Variants in FAM13A observed in about 807,000 individuals in gnomAD.
FAM13A encodes family with sequence similarity 13 member A.
In FAM13A, 76 loss-of-function variants were observed where a neutral mutation model predicts 129.6. The ratio of observed to expected loss-of-function variants is 0.59; its 90% confidence interval spans 0.49 to 0.71. The LOEUF (loss-of-function observed/expected upper bound fraction) is 0.71, where lower values mean the gene tolerates loss of function less well. Among genes scored for constraint, FAM13A ranks in the 30% least tolerant of loss-of-function variants. FAM13A has a pLI of 0.00. For missense variants in FAM13A, 1,108 were observed against 1,249.3 expected (o/e 0.89, Z 1.70); for synonymous variants, 443 against 449.9 (o/e 0.98, Z 0.20).
At chr4:88,833,049 G>A (rs559085888) in intron 7 of FAM13A, among the ~76,000 whole-genome samples, 12 of 152,158 alleles carry the variant, frequency 7.9e-5, no homozygotes, top group Non-Finnish European at 1.5e-4. Context: ...CTATGCAGTC[G>A]TAAAAAGGAA....
intron 6 of FAM13A, 142 bp downstream of exon 6, chr4:88,906,237 G>A: frequency 1.6e-6 from 1 of 611,716 alleles, no homozygotes; most frequent in Non-Finnish European, 2.9e-6. Flanking sequence ...GCAGTGAGCT[G>A]AGATTGCGCC....
chr4:88,996,801 G>A (rs1763611278), intron 3 of FAM13A, among the ~76,000 whole-genome samples: 1 of 152,092 alleles, frequency 6.6e-6, no homozygotes, highest in African/African-American at 2.4e-5. Context: ...TTTAGAGTTG[G>A]TGGTTGAGTT....
At chr4:88,777,232 T>C (rs1560963153) in intron 11 of FAM13A, among the ~76,000 whole-genome samples, 1 of 152,096 alleles carries the variant, frequency 6.6e-6, no homozygotes, top group Non-Finnish European at 1.5e-5. Flanking sequence ...ATGTGAAAAA[T>C]AGAATTTCCA....
chr4:88,803,101 G>T (rs1372710018), intron 8 of FAM13A, among the ~76,000 whole-genome samples: 3 of 152,168 alleles, frequency 2.0e-5, no homozygotes, highest in African/African-American at 7.2e-5. Context: ...CTTGTGGCTG[G>T]ATCTACTTCC....
chr4:88,923,826 C>T (rs1751593349), intron 5 of FAM13A, among the ~76,000 whole-genome samples: 1 of 152,202 alleles, frequency 6.6e-6, no homozygotes, highest in African/African-American at 2.4e-5. Flanking sequence ...CCCAAAATCT[C>T]CTTAAGCTGA....
intron 5 of FAM13A, among the ~76,000 whole-genome samples, chr4:88,910,214 A>G (rs1423728081): frequency 1.3e-5 from 2 of 152,178 alleles, no homozygotes; most frequent in Non-Finnish European, 2.9e-5. Context: ...TAAACATTTG[A>G]TCTACTTACA....
chr4:88,795,728 A>C (rs538193714), intron 8 of FAM13A, among the ~76,000 whole-genome samples: 1 of 151,878 alleles, frequency 6.6e-6, no homozygotes, highest in Non-Finnish European at 1.5e-5. Flanking sequence ...CTATACCTCT[A>C]GTTATTTCAT....
chr4:88,798,535 C>T (rs9996321), intron 8 of FAM13A, among the ~76,000 whole-genome samples: 80,705 of 152,010 alleles, frequency 0.53, 21,833 homozygotes, highest in East Asian at 0.69. Flanking sequence ...CAATAGACAG[C>T]AGAAGAGAGC....
chr4:88,824,291 T>C (rs1732600670), intron 7 of FAM13A, among the ~76,000 whole-genome samples: 1 of 152,216 alleles, frequency 6.6e-6, no homozygotes. Flanking sequence ...TGAGGGCTTG[T>C]AGGCATGAGG....
At chr4:88,948,549 C>A in intron 4 of FAM13A, among the ~76,000 whole-genome samples, 1 of 151,498 alleles carries the variant, frequency 6.6e-6, no homozygotes, top group Admixed American at 6.6e-5. Flanking sequence ...AGTGCAGTGG[C>A]ATGATCTCAG....
chr4:88,979,257 G>A (rs1376009906), intron 4 of FAM13A, among the ~76,000 whole-genome samples: 1 of 152,230 alleles, frequency 6.6e-6, no homozygotes, highest in African/African-American at 2.4e-5. Context: ...CTCACAGCAT[G>A]AACTGGTGTG....
chr4:89,051,512 T>C (rs750093519), intron 1 of FAM13A, among the ~76,000 whole-genome samples: 1 of 152,202 alleles, frequency 6.6e-6, no homozygotes, highest in African/African-American at 2.4e-5. Context: ...CCTTTTCGCA[T>C]GCAAAATACA....
At chr4:88,827,833 T>G (rs1733272468) in intron 7 of FAM13A, among the ~76,000 whole-genome samples, 1 of 152,232 alleles carries the variant, frequency 6.6e-6, no homozygotes, top group South Asian at 2.1e-4. Flanking sequence ...GGTAACTCAT[T>G]TTTGTACTCA....
intron 7 of FAM13A, among the ~76,000 whole-genome samples, chr4:88,810,059 T>C (rs1291028333): frequency 6.6e-6 from 1 of 152,098 alleles, no homozygotes; most frequent in Non-Finnish European, 1.5e-5. Context: ...AAATACAAAT[T>C]ATTGCAGTTC....
chr4:88,992,338 C>T (rs1763020655), intron 3 of FAM13A, among the ~76,000 whole-genome samples: 1 of 151,394 alleles, frequency 6.6e-6, no homozygotes, highest in Non-Finnish European at 1.5e-5. Flanking sequence ...ACAATCTCAG[C>T]TCACTGCAAC....
At chr4:88,869,119 T>C (rs1007153945) in intron 6 of FAM13A, among the ~76,000 whole-genome samples, 5 of 152,220 alleles carry the variant, frequency 3.3e-5, no homozygotes, top group African/African-American at 1.2e-4. Context: ...CATCTTTATC[T>C]CAAATAAGTC....
chr4:88,730,271 C>T (rs1737379634), intron 23 of FAM13A, among the ~76,000 whole-genome samples: 1 of 152,198 alleles, frequency 6.6e-6, no homozygotes. Flanking sequence ...TTTCCTCAGG[C>T]TCCTACTGTG....
chr4:88,899,333 G>A (rs1224075982), intron 6 of FAM13A, among the ~76,000 whole-genome samples: 1 of 151,904 alleles, frequency 6.6e-6, no homozygotes, highest in Non-Finnish European at 1.5e-5. Flanking sequence ...GACTTTGGGG[G>A]AAAGGGTGGG....
At position 88,726,342 on chromosome 4, in the gene FAM13A, A is replaced by ACAT. The variant is rs1736464687; in HGVS notation, c.*2188_*2190dup. 6.6e-6 allele frequency: 1 copy of ACAT among 151,840 alleles called. No homozygotes were observed. Among genetic ancestry groups the ACAT allele is most frequent in the African/African-American group, 2.4e-5 (1 of 41,114 alleles). The allele number at this position is 151,840 out of a possible 1,614,324, so 9.4% of individuals were successfully genotyped here. ...AGTGGAAATTACAAAGGAAAACACA[A>ACAT]CATCTCATACACAATTTATTTTATA... On this transcript the variant is annotated 3_prime_UTR_variant, in exon 24 of 24. Coordinates refer to ENST00000264344, the MANE Select transcript of FAM13A (RefSeq NM_014883.4).
Sources: allele counts gnomAD v4.1 joint callset (sites outside exome capture counted in the v4.1 genomes callset), GRCh38; gene constraint gnomAD v4.1.1; transcripts MANE v1.5; gene names NCBI Gene and HGNC (gene_info 2026-07-23, HGNC 2026-07-21).